MON2: variants seen among roughly 807,000 people sequenced by gnomAD.
MON2 encodes protein MON2 homolog.
Under a neutral mutation model 208.6 loss-of-function variants are expected in MON2, and 84 were observed. That is an observed-to-expected ratio of 0.40 (90% CI 0.34 to 0.48). The LOEUF (loss-of-function observed/expected upper bound fraction) is 0.48. Among genes scored for constraint, MON2 ranks in the 20% least tolerant of loss-of-function variants. The pLI is 0.59. For synonymous variants in MON2, 660 were observed against 694.0 expected (o/e 0.95, Z 0.77); for missense variants, 1,611 against 2,015.4 (o/e 0.80, Z 3.84).
chr12:62,548,928 C>T (rs549548547), intron 22 of MON2, among the ~76,000 whole-genome samples: 126 of 151,970 alleles, frequency 8.3e-4, no homozygotes, highest in Non-Finnish European at 1.2e-3. Flanking sequence ...AGATACAGTA[C>T]GGATATAAAA....
chr12:62,474,417 CTCT>C (rs1402695649), intron 1 of MON2, among the ~76,000 whole-genome samples: 3 of 151,516 alleles, frequency 2.0e-5, no homozygotes, highest in Non-Finnish European at 2.9e-5. Flanking sequence ...TGCGCCTGGC[CTCT>C]TCTTTTTCTT....
intron 20 of MON2, 95 bp downstream of exon 20, chr12:62,543,293 C>CT: frequency 5.1e-6 from 3 of 588,524 alleles, no homozygotes; most frequent in Non-Finnish European, 8.1e-6. Context: ...TCAGCATTAA[C>CT]TTTTTTTCCC....
chr12:62,567,744 A>G (rs1443267582), intron 29 of MON2, among the ~76,000 whole-genome samples: 1 of 152,220 alleles, frequency 6.6e-6, no homozygotes, highest in Non-Finnish European at 1.5e-5. Flanking sequence ...TGATTCTTAG[A>G]TTTAATAATT....
At chr12:62,476,966 G>C (rs973548148) in intron 1 of MON2, among the ~76,000 whole-genome samples, 1 of 152,030 alleles carries the variant, frequency 6.6e-6, no homozygotes, top group African/African-American at 2.4e-5. Context: ...GACTAGCCTG[G>C]GCAACATAGC....
Position 62,592,855 on chromosome 12 carries a change from CTGT to C in MON2, c.*112_*114del. Reference sequence around the variant, plus strand: ...TCTTACTGCAGATAATTCTTGGCAGCTGTTGTTGGCCTCCTTTAAATTCTACTT... The same window carrying C: ...TCTTACTGCAGATAATTCTTGGCAGCTGTTGGCCTCCTTTAAATTCTACTT... On this transcript the variant is annotated 3_prime_UTR_variant, in exon 35 of 35. Coordinates refer to ENST00000393630, the MANE Select transcript of MON2 (RefSeq NM_015026.3). 8.5e-7 allele frequency: 1 copy of C among 1,179,504 alleles called. No homozygotes were observed. Among genetic ancestry groups the C allele is most frequent in the Non-Finnish European group, 1.2e-6 (1 of 854,738 alleles). 73.1% of individuals were successfully genotyped at this position (1,179,504 alleles called of 1,614,324 possible).
intron 1 of MON2, among the ~76,000 whole-genome samples, chr12:62,481,515 CAA>C (rs5798644): frequency 2.8e-4 from 31 of 110,244 alleles, no homozygotes; most frequent in African/African-American, 9.6e-4. Context: ...GACTCCGTCT[CAA>C]AAAAAAAAAA....
chr12:62,467,440 G>A, intron 1 of MON2, 122 bp downstream of exon 1: 1 of 762,226 alleles, frequency 1.3e-6, no homozygotes. Flanking sequence ...AGATTTGTGA[G>A]TCGGTGGGTT....
At chr12:62,479,104 A>G (rs2069250622) in intron 1 of MON2, among the ~76,000 whole-genome samples, 1 of 152,204 alleles carries the variant, frequency 6.6e-6, no homozygotes, top group Non-Finnish European at 1.5e-5. Flanking sequence ...TGCCTTTTAA[A>G]CATTTAGGTT....
chr12:62,589,037 T>G (rs1015125719), intron 34 of MON2: 3 of 533,878 alleles, frequency 5.6e-6, no homozygotes, highest in African/African-American at 4.0e-5. Flanking sequence ...TGTTAAGATT[T>G]TTGAGGGGCT....
chr12:62,512,581 C>T (rs1192817481), intron 8 of MON2, among the ~76,000 whole-genome samples: 4 of 152,190 alleles, frequency 2.6e-5, no homozygotes, highest in Non-Finnish European at 5.9e-5. Flanking sequence ...ATACAGCCTC[C>T]CTTCCAGGTG....
At chr12:62,579,017 C>G (rs1158685045) in intron 31 of MON2, among the ~76,000 whole-genome samples, 2 of 151,814 alleles carry the variant, frequency 1.3e-5, no homozygotes, top group Non-Finnish European at 2.9e-5. Context: ...AGGAGGATTG[C>G]TTGAGACCAG....
chr12:62,501,957 C>T (rs1437668364), intron 7 of MON2, among the ~76,000 whole-genome samples: 1 of 152,002 alleles, frequency 6.6e-6, no homozygotes, highest in Non-Finnish European at 1.5e-5. Context: ...CGCGGTGGCT[C>T]ACCCCTGTAA....
Position 62,467,070 on chromosome 12 carries a change from G to A in MON2, c.-138G>A. ...CTGGGGGACGCTCGAGCAGGCTCCG[G>A]GTTCGCAGCCCAGGGCCCAAGAAGC... On this transcript the variant is annotated 5_prime_UTR_variant, in exon 1 of 35. Transcript: ENST00000393630. 1.5e-6 allele frequency: 1 copy of A among 668,136 alleles called. No individual in the cohort carries two copies. Among genetic ancestry groups the A allele is most frequent in the Non-Finnish European group, 2.6e-6 (1 of 387,306 alleles). 41.4% of individuals were successfully genotyped at this position (668,136 alleles called of 1,614,324 possible). A position where few individuals can be genotyped will look rare whatever the true frequency, so the allele number is the denominator to read the frequency against.
rs528210766 is a variant in MON2 at position 62,504,090 on chromosome 12, T to C, written c.789+2392T>C. Among the ~76,000 whole-genome samples, 11 of 152,240 alleles carry C rather than the reference T, an allele frequency of 7.2e-5. No individual in the cohort carries two copies. The East Asian group carries it at 1.9e-3, about 27-fold the overall frequency. ...TACACTGTTGTATAGGTGTCTTTAG[T>C]AATAGTGCCTGGCATATGGCAGGTG... On this transcript the variant is annotated intron_variant, in intron 7 of 34. Transcript: ENST00000393630.
At chr12:62,534,584 A>ATATATTTTTTATATATATAT in intron 12 of MON2, among the ~76,000 whole-genome samples, 1 of 134,200 alleles carries the variant, frequency 7.5e-6, no homozygotes, top group East Asian at 2.1e-4. Context: ...ATATATATAT[A>ATATATTTTTTATATATATAT]AAATTTAACG....
chr12:62,553,434 T>G lies in MON2; in HGVS notation c.3210+260T>G, dbSNP rs150671628. On this transcript the variant is annotated intron_variant, in intron 24 of 34. Transcript: ENST00000393630. The stretch of plus-strand genomic sequence containing the variant: ...TTTCTGCCTTTGCCTTTCTGTCTCC[T>G]TTTTTTCCCCCAGTTTTCCCAAATG... 1.7e-5 allele frequency: 5 copies of G among 300,234 alleles called. No individual in the cohort carries two copies. The East Asian group carries it at 3.0e-4, about 18-fold the overall frequency. 18.6% of individuals were successfully genotyped at this position (300,234 alleles called of 1,614,324 possible).
intron 1 of MON2, among the ~76,000 whole-genome samples, chr12:62,473,715 A>C (rs1040991236): frequency 1.3e-5 from 2 of 151,794 alleles, no homozygotes; most frequent in Non-Finnish European, 2.9e-5. Context: ...GACTGTAGGC[A>C]GATGCCACCA....
intron 7 of MON2, among the ~76,000 whole-genome samples, chr12:62,506,016 G>A (rs2136102746): frequency 6.6e-6 from 1 of 152,290 alleles, no homozygotes; most frequent in South Asian, 2.1e-4. Flanking sequence ...AAGTAGAGTT[G>A]GGATGGTTGG....
In MON2 at chr12:62,595,298, T is replaced by G. The variant is rs2075504195; in HGVS notation, c.*2549T>G. 1 of 152,134 alleles carries G rather than the reference T, an allele frequency of 6.6e-6. No homozygotes were observed. Among genetic ancestry groups the G allele is most frequent in the Admixed American group, 6.6e-5 (1 of 15,264 alleles). 9.4% of individuals were successfully genotyped at this position (152,134 alleles called of 1,614,324 possible). ...AGCTGGGATTACAGACATGCCACCA[T>G]GCCAGGCTAATTTTTTTAATATTTT... On this transcript the variant is annotated 3_prime_UTR_variant, in exon 35 of 35. Transcript: ENST00000393630.
Sources: allele counts gnomAD v4.1 joint callset (sites outside exome capture counted in the v4.1 genomes callset), GRCh38; gene constraint gnomAD v4.1.1; transcripts MANE v1.5; gene names NCBI Gene and HGNC (gene_info 2026-07-23, HGNC 2026-07-21).